The following FAM131C variants were observed in gnomAD, a reference collection of about 807,000 sequenced individuals.
FAM131C encodes the protein family with sequence similarity 131 member C.
A neutral mutation model predicts 29.8 loss-of-function variants in FAM131C; 14 were observed. The ratio of observed to expected loss-of-function variants is 0.47; its 90% CI spans 0.31 to 0.73. The LOEUF is 0.73. Ranked by LOEUF, FAM131C falls within the 30% of genes least tolerant of loss-of-function variation. FAM131C has a pLI of 0.05. For synonymous variants in FAM131C, 86 were observed against 157.8 expected, an observed-to-expected ratio of 0.54 and a Z score of 3.41; for missense variants, 252 against 383.8, an observed-to-expected ratio of 0.66 and a Z score of 2.87.
chr1:16,071,146 T>C (rs2023744614), intron 1 of FAM131C, among the ~76,000 whole-genome samples: 1 of 152,224 alleles, frequency 6.6e-6, no homozygotes, highest in African/African-American at 2.4e-5. Flanking sequence ...GAGGCTATGA[T>C]TAGCAATCGA....
intron 1 of FAM131C, among the ~76,000 whole-genome samples, chr1:16,068,167 C>T (rs547957101): frequency 2.0e-5 from 3 of 152,248 alleles, no homozygotes; most frequent in Non-Finnish European, 2.9e-5. Context: ...CTGTGATGTG[C>T]CGGGCTCTGC....
At chr1:16,073,241 T>G (rs1183388112) in intron 1 of FAM131C, among the ~76,000 whole-genome samples, 180 bp downstream of exon 1, 2 of 152,020 alleles carry the variant, frequency 1.3e-5, no homozygotes. Context: ...GTGCGCTCTC[T>G]GCGCTGCCCC....
intron 1 of FAM131C, among the ~76,000 whole-genome samples, chr1:16,072,844 C>T (rs1383714225): frequency 6.6e-6 from 1 of 151,974 alleles, no homozygotes. Context: ...GTGCTCTGGC[C>T]CTTCTGTCCC....
At chr1:16,059,808 G>C (rs1186013807) in intron 5 of FAM131C, 61 bp downstream of exon 5, 1 of 1,448,144 alleles carries the variant, frequency 6.9e-7, no homozygotes, top group Admixed American at 1.9e-5. Context: ...GCAGTGATCT[G>C]GGCCCCCAAG....
At position 16,073,610 on chromosome 1, in the gene FAM131C, C is replaced by T. The variant is rs1570361280; in HGVS notation, c.-168G>A. On this transcript the variant is annotated 5_prime_UTR_variant, in exon 1 of 7. Transcript: ENST00000375662. Reference sequence around the variant, plus strand: ...CTCCAGCCTGGGTCGTCCCTGCTGCCGCCGCGCCCGGCTCGCCTCGCGCCG... The same window carrying T: ...CTCCAGCCTGGGTCGTCCCTGCTGCTGCCGCGCCCGGCTCGCCTCGCGCCG... 4.6e-6 allele frequency: 1 copy of T among 216,780 alleles called. No homozygotes were observed. Among genetic ancestry groups the T allele is most frequent in the Non-Finnish European group, 8.7e-6 (1 of 114,836 alleles). The allele number at this position is 216,780 out of a possible 1,614,324, so 13.4% of individuals were successfully genotyped here.
intron 2 of FAM131C, among the ~76,000 whole-genome samples, chr1:16,062,895 C>A (rs111799290): frequency 0.028 from 4,087 of 143,806 alleles, 40 homozygotes; most frequent in African/African-American, 0.095. Context: ...TGTGGTGAGG[C>A]CTAAATAACA....
chr1:16,062,085 C>A lies in FAM131C; in HGVS notation c.268+14G>T, dbSNP rs3978467. 149,636 of 1,591,278 alleles carry A rather than the reference C, an allele frequency of 0.094. 11 individuals carry two copies. Among genetic ancestry groups the A allele is most frequent in the Non-Finnish European group, 0.1 (119,795 of 1,167,392 alleles). On this transcript the variant is annotated intron_variant, in intron 4 of 6. Coordinates refer to ENST00000375662, the MANE Select transcript of FAM131C (RefSeq NM_182623.3). ...GCATTCTCCACCGGCAGGAGAGTTG[C>A]GGCCAGAACCTACCCACAAGGGACG...
intron 4 of FAM131C, among the ~76,000 whole-genome samples, chr1:16,060,342 C>T (rs2023576922): frequency 8.0e-6 from 1 of 124,666 alleles, no homozygotes; most frequent in Non-Finnish European, 1.9e-5. Context: ...ACTCCCAGTC[C>T]ATGTTCCCGC....
chr1:16,070,210 GT>G (rs1370087069), intron 1 of FAM131C, among the ~76,000 whole-genome samples: 1 of 152,196 alleles, frequency 6.6e-6, no homozygotes. Context: ...CACATCCCTT[GT>G]CACAGGGTTG....
At chr1:16,066,123 G>A (rs986871322) in intron 1 of FAM131C, among the ~76,000 whole-genome samples, 1 of 152,150 alleles carries the variant, frequency 6.6e-6, no homozygotes, top group East Asian at 1.9e-4. Flanking sequence ...CTGACCTCAG[G>A]CGATCCGCCT....
chr1:16,065,457 G>T (rs1382945652), intron 1 of FAM131C, among the ~76,000 whole-genome samples: 1 of 152,244 alleles, frequency 6.6e-6, no homozygotes, highest in Non-Finnish European at 1.5e-5. Context: ...AGGCCAGATT[G>T]TGTCACTGGG....
chr1:16,062,380 GCCCCCC>G, intron 3 of FAM131C, 113 bp downstream of exon 3: 4 of 858,412 alleles, frequency 4.7e-6, no homozygotes, highest in Non-Finnish European at 6.6e-6. Context: ...GTTTCATCAG[GCCCCCC>G]CCCCCCCCGC....
intron 1 of FAM131C, 78 bp downstream of exon 1, chr1:16,073,341 TCC>T (rs2023777971): frequency 1.2e-6 from 1 of 824,708 alleles, no homozygotes. Flanking sequence ...GCCAGCCCCA[TCC>T]CCCAGGTCTC....
intron 2 of FAM131C, among the ~76,000 whole-genome samples, chr1:16,063,122 TA>T (rs1324767362): frequency 6.8e-6 from 1 of 147,752 alleles, no homozygotes; most frequent in Non-Finnish European, 1.5e-5. Context: ...ATATAATATA[TA>T]AATTATATTC....
At chr1:16,066,947 A>G (rs1202416394) in intron 1 of FAM131C, among the ~76,000 whole-genome samples, 1 of 152,194 alleles carries the variant, frequency 6.6e-6, no homozygotes, top group Non-Finnish European at 1.5e-5. Context: ...GGGTATTTCT[A>G]GGACCCCTGG....
intron 1 of FAM131C, among the ~76,000 whole-genome samples, chr1:16,071,135 A>G (rs2023744435): frequency 6.6e-6 from 1 of 152,258 alleles, no homozygotes; most frequent in Admixed American, 6.5e-5. Flanking sequence ...CTGAGCGCTC[A>G]GAGGCTATGA....
At chr1:16,066,897 C>T (rs972847204) in intron 1 of FAM131C, among the ~76,000 whole-genome samples, 11 of 152,246 alleles carry the variant, frequency 7.2e-5, no homozygotes, top group Admixed American at 7.2e-4. Flanking sequence ...AGACAGGTGG[C>T]TCTGGCCATA....
chr1:16,069,941 T>A (rs886580510), intron 1 of FAM131C, among the ~76,000 whole-genome samples: 5 of 152,042 alleles, frequency 3.3e-5, no homozygotes, highest in Admixed American at 3.3e-4. Flanking sequence ...TTTAAAAAGT[T>A]TTTTGTAGAG....
intron 1 of FAM131C, among the ~76,000 whole-genome samples, chr1:16,070,415 T>C (rs940954634): frequency 7.9e-5 from 12 of 152,202 alleles, no homozygotes; most frequent in Non-Finnish European, 1.2e-4. Context: ...GCCTTTCCCA[T>C]GAGGCAGGAT....
Sources: allele counts gnomAD v4.1 joint callset (sites outside exome capture counted in the v4.1 genomes callset), GRCh38; gene constraint gnomAD v4.1.1; transcripts MANE v1.5; gene names NCBI Gene and HGNC (gene_info 2026-07-23, HGNC 2026-07-21).